SPC25: variants seen among roughly 807,000 people sequenced by gnomAD.
The protein encoded by SPC25 is kinetochore protein Spc25.
In SPC25, 22 loss-of-function variants were observed where a neutral mutation model predicts 29.6. That is an observed-to-expected ratio of 0.74 (90% CI 0.53 to 1.06). SPC25 has a LOEUF of 1.06. Ranked by LOEUF, SPC25 falls within the 50% of genes least tolerant of loss-of-function variation. SPC25 has a pLI of 0.00. For synonymous variants in SPC25, 91 were observed against 90.4 expected (o/e 1.01, Z -0.04); for missense variants, 230 against 255.8 (o/e 0.90, Z 0.69).
intron 3 of SPC25, among the ~76,000 whole-genome samples, chr2:168,888,054 G>A (rs1307350591): frequency 6.6e-6 from 1 of 151,842 alleles, no homozygotes; most frequent in Admixed American, 6.5e-5. Context: ...CAAAGTGAGC[G>A]GACTGCTTGA....
At chr2:168,885,413 CCCT>C (rs2105835625) in intron 3 of SPC25, among the ~76,000 whole-genome samples, 1 of 152,310 alleles carries the variant, frequency 6.6e-6, no homozygotes, top group African/African-American at 2.4e-5. Context: ...AATCTCACTC[CCCT>C]CCTGTTTATT....
At chr2:168,889,675 G>T in intron 1 of SPC25, 142 bp from the exon 2 acceptor site, 1 of 844,822 alleles carries the variant, frequency 1.2e-6, no homozygotes, top group Non-Finnish European at 1.8e-6. Context: ...TTCAAGGGTA[G>T]ATCAAGCCAC....
intron 3 of SPC25, among the ~76,000 whole-genome samples, chr2:168,882,970 A>T (rs1364236503): frequency 6.6e-6 from 1 of 152,206 alleles, no homozygotes; most frequent in Non-Finnish European, 1.5e-5. Flanking sequence ...TTGACATTGT[A>T]AAATAAAAGA....
At chr2:168,879,314 C>A (rs753881505) in intron 3 of SPC25, among the ~76,000 whole-genome samples, 1 of 152,198 alleles carries the variant, frequency 6.6e-6, no homozygotes, top group Non-Finnish European at 1.5e-5. Flanking sequence ...TCAAACCCTG[C>A]GCTACTTTAT....
intron 6 of SPC25, among the ~76,000 whole-genome samples, chr2:168,872,230 A>T (rs1690005949): frequency 6.6e-6 from 1 of 152,222 alleles, no homozygotes. Flanking sequence ...TGCCTCCCAA[A>T]GTGCTGGGAT....
chr2:168,884,631 G>A (rs1157382276), intron 3 of SPC25, among the ~76,000 whole-genome samples: 1 of 152,012 alleles, frequency 6.6e-6, no homozygotes, highest in Non-Finnish European at 1.5e-5. Context: ...TCCTCTTTTA[G>A]TTTTGGTGAC....
At chr2:168,865,018 A>G in intron 4 of SPC25, 1 of 1,592,264 alleles carries the variant, frequency 6.3e-7, no homozygotes, top group African/African-American at 1.3e-5. Flanking sequence ...TCAACAATAC[A>G]GTGTGGTTCA....
chr2:168,865,711 C>G (rs1190269451), intron 4 of SPC25, among the ~76,000 whole-genome samples: 4 of 152,158 alleles, frequency 2.6e-5, no homozygotes, highest in African/African-American at 9.7e-5. Flanking sequence ...GATTGTATAT[C>G]TAGAAAACCC....
Position 168,871,473 on chromosome 2 carries a change from A to G in SPC25, c.633T>C (p.Leu211=). The change falls in exon 7 of 7, where the codon CTT becomes CTC. Residue 211 remains leucine, a synonymous_variant. Coordinates refer to ENST00000282074, the MANE Select transcript of SPC25 (RefSeq NM_020675.4). ...VRKTNNFSAF[L]ANVRKAFTAT... The stretch of plus-strand genomic sequence containing the variant: ...CAGTAAAAGCTTTCCGAACATTGGC[A>G]AGAAAAGCTGAAAAATTGTTGGTCT... 3 of 1,611,234 alleles carry G rather than the reference A, an allele frequency of 1.9e-6. No individual in the cohort carries two copies. The highest frequency in any genetic ancestry group is 8.5e-7 in the Non-Finnish European group (1 of 1,178,828).
intron 4 of SPC25, chr2:168,861,833 ACTTTC>A: frequency 1.3e-6 from 1 of 793,208 alleles, no homozygotes; most frequent in Admixed American, 2.7e-5. Context: ...AAAATTACAA[ACTTTC>A]CTTTTGAGAA....
At chr2:168,875,302 C>T (rs919221815) in intron 5 of SPC25, among the ~76,000 whole-genome samples, 18 of 152,058 alleles carry the variant, frequency 1.2e-4, no homozygotes, top group African/African-American at 4.3e-4. Flanking sequence ...AAGTCAAAAA[C>T]ATTGTAAGGC....
chr2:168,889,018 TATACACATATATATAC>T (rs1204928315), intron 3 of SPC25, among the ~76,000 whole-genome samples, 192 bp downstream of exon 3: 1 of 61,606 alleles, frequency 1.6e-5, no homozygotes, highest in Non-Finnish European at 3.4e-5. Flanking sequence ...TATGTATATA[TATACACATATATATAC>T]ATATATATAT....
intron 3 of SPC25, among the ~76,000 whole-genome samples, chr2:168,879,993 G>A (rs920504151): frequency 6.6e-6 from 1 of 152,196 alleles, no homozygotes; most frequent in Non-Finnish European, 1.5e-5. Flanking sequence ...ATACACACAT[G>A]TGCTGTCATC....
chr2:168,867,992 A>T (rs1210260162), downstream of SPC25, among the ~76,000 whole-genome samples: 1 of 152,250 alleles, frequency 6.6e-6, no homozygotes, highest in East Asian at 1.9e-4. Flanking sequence ...AACAGAAATT[A>T]TAACAAACTG....
intron 3 of SPC25, among the ~76,000 whole-genome samples, chr2:168,879,507 C>G (rs75074489): frequency 0.02 from 2,998 of 152,338 alleles, 101 homozygotes; most frequent in African/African-American, 0.068. Flanking sequence ...TCAGGCTCCA[C>G]TTCTAAATCT....
At chr2:168,882,387 A>G (rs915716256) in intron 3 of SPC25, among the ~76,000 whole-genome samples, 6 of 152,248 alleles carry the variant, frequency 3.9e-5, no homozygotes, top group African/African-American at 1.4e-4. Flanking sequence ...CTGGCGGATC[A>G]TGAGGTCAGG....
At chr2:168,879,695 C>G (rs988104500) in intron 3 of SPC25, among the ~76,000 whole-genome samples, 2 of 152,304 alleles carry the variant, frequency 1.3e-5, no homozygotes, top group African/African-American at 4.8e-5. Context: ...TGAATCCTTT[C>G]TCTGGAAGGT....
At chr2:168,885,707 C>T (rs1690249000) in intron 3 of SPC25, among the ~76,000 whole-genome samples, 2 of 152,342 alleles carry the variant, frequency 1.3e-5, no homozygotes, top group African/African-American at 2.4e-5. Flanking sequence ...CTCTGTTGAA[C>T]ATCCCTAACC....
In SPC25 at chr2:168,890,279, G is replaced by A. The variant is rs898118347; in HGVS notation, c.-15+39C>T. ...AATTCACTTTCCCTTATTGCGACAGGGGGGCCAAGGAGCCCAGCTCGGCGC... is the reference window on the plus strand; with the variant it reads ...AATTCACTTTCCCTTATTGCGACAGAGGGGCCAAGGAGCCCAGCTCGGCGC... On this transcript the variant is annotated intron_variant, in intron 1 of 6. Coordinates refer to ENST00000282074, the MANE Select transcript of SPC25 (RefSeq NM_020675.4). The A allele has an allele frequency of 4.2e-6, 4 of 944,072 alleles. No homozygotes were observed. The African/African-American group carries it at 7.1e-5, about 17-fold the overall frequency. 58.5% of individuals were successfully genotyped at this position (944,072 alleles called of 1,614,324 possible).
Sources: gnomAD v4.1 joint callset for allele counts (sites outside exome capture counted in the v4.1 genomes callset) on GRCh38, gnomAD v4.1.1 for gene constraint, MANE v1.5 for transcripts, NCBI Gene and HGNC (gene_info 2026-07-23, HGNC 2026-07-21) for gene names.